The following ANTXRL variants were observed in gnomAD, a reference collection of about 807,000 sequenced individuals.
ANTXRL encodes ANTXR like.
ANTXRL carries 63 observed loss-of-function variants against 75.4 expected under a neutral mutation model. The ratio of observed to expected loss-of-function variants is 0.84; its 90% CI spans 0.68 to 1.03. The LOEUF is 1.03. Among genes scored for constraint, ANTXRL ranks in the 50% least tolerant of loss-of-function variants. ANTXRL has a pLI of 0.00. For missense variants in ANTXRL, 797 were observed against 789.4 expected, an observed-to-expected ratio of 1.01 and a Z score of -0.12; for synonymous variants, 335 against 291.3, an observed-to-expected ratio of 1.15 and a Z score of -1.53.
At chr10:46,306,175 C>CTCA (rs1296197897) in intron 10 of ANTXRL, among the ~76,000 whole-genome samples, 1 of 152,192 alleles carries the variant, frequency 6.6e-6, no homozygotes, top group Non-Finnish European at 1.5e-5. Flanking sequence ...TGGCTGGCTC[C>CTCA]TCATCTTTTT....
Position 46,311,527 on chromosome 10 carries a change from A to G in ANTXRL, c.1191A>G (p.Lys397=), listed in dbSNP as rs1838420219. ...TTTTTTAGGAGCCAGAGCAGGAAAA[A>G]CCACCATCACCACCACCACCGCCTC... is the stretch of plus-strand genomic sequence containing the variant. The part of the protein sequence containing the change: ...QKPEKEPEQE[K]PPSPPPPPPP... Residue 397 remains lysine (K), a synonymous_variant, in exon 15 of 17, where the codon AAA becomes AAG. Coordinates refer to ENST00000620264, the MANE Select transcript of ANTXRL (RefSeq NM_001278688.3). The G allele has an allele frequency of 3.3e-6, 5 of 1,532,216 alleles. No individual in the cohort carries two copies. Among genetic ancestry groups the G allele is most frequent in the Non-Finnish European group, 4.4e-6 (5 of 1,145,220 alleles). The allele number at this position is 1,532,216 out of a possible 1,614,324, so 94.9% of individuals were successfully genotyped here.
chr10:46,312,270 G>A (rs764164935), intron 15 of ANTXRL, among the ~76,000 whole-genome samples: 161 of 150,578 alleles, frequency 1.1e-3, no homozygotes, highest in Middle Eastern at 3.4e-3. Context: ...GCCTGAAAGC[G>A]CCCTCACAAG....
At chr10:46,306,535 G>GT (rs1554961914) in intron 10 of ANTXRL, among the ~76,000 whole-genome samples, 2 of 150,942 alleles carry the variant, frequency 1.3e-5, no homozygotes, top group African/African-American at 2.5e-5. Flanking sequence ...GTTTTGTCCT[G>GT]TTTTTTATTT....
chr10:46,314,123 G>C (rs1838588796), intron 16 of ANTXRL, among the ~76,000 whole-genome samples: 1 of 152,196 alleles, frequency 6.6e-6, no homozygotes, highest in Admixed American at 6.5e-5. Context: ...GGCCAGCATA[G>C]GTTCTCAGTG....
intron 9 of ANTXRL, among the ~76,000 whole-genome samples, chr10:46,300,694 A>C (rs7078906): frequency 0.24 from 36,416 of 151,740 alleles, 3,787 homozygotes; most frequent in East Asian, 0.26. Flanking sequence ...TTCAAAGGGC[A>C]CCTCATCCTG....
rs782619924 is a variant in ANTXRL at position 46,298,074 on chromosome 10, G to A, written c.796+12G>A. The A allele has an allele frequency of 3.3e-6, 5 of 1,531,754 alleles. No homozygotes were observed. The highest frequency in any genetic ancestry group is 4.4e-6 in the Non-Finnish European group (5 of 1,143,578). 94.9% of individuals were successfully genotyped at this position (1,531,754 alleles called of 1,614,324 possible). On this transcript the variant is annotated intron_variant, in intron 9 of 16. Transcript: ENST00000620264. The stretch of plus-strand genomic sequence containing the variant: ...TGAGTGTGTAGGAGGTGAGAGCTGC[G>A]GAGGCCCTGGGGTAGCCAAAGGGTG...
intron 16 of ANTXRL, among the ~76,000 whole-genome samples, chr10:46,317,683 T>G (rs1424083685): frequency 5.9e-5 from 9 of 151,816 alleles, no homozygotes; most frequent in African/African-American, 2.2e-4. Context: ...TCCCTTCGAC[T>G]CCTCAGCACC....
intron 9 of ANTXRL, among the ~76,000 whole-genome samples, chr10:46,298,292 T>G (rs1831054664): frequency 6.6e-6 from 1 of 151,854 alleles, no homozygotes; most frequent in Admixed American, 6.6e-5. Context: ...TGTGGGAGGC[T>G]TGATGTGTGT....
chr10:46,304,640 T>C (rs1258377784), intron 10 of ANTXRL, among the ~76,000 whole-genome samples: 1 of 152,196 alleles, frequency 6.6e-6, no homozygotes, highest in Non-Finnish European at 1.5e-5. Flanking sequence ...GCCCTATTTG[T>C]CATGGATTTT....
At chr10:46,286,630 G>A (rs534911940), upstream of ANTXRL, among the ~76,000 whole-genome samples, 33 of 152,214 alleles carry the variant, frequency 2.2e-4, no homozygotes, top group African/African-American at 6.7e-4. Context: ...GTAGAGAACC[G>A]GAATGTCCCT....
intron 9 of ANTXRL, among the ~76,000 whole-genome samples, chr10:46,302,264 A>AG (rs782451079): frequency 1.4e-4 from 21 of 152,258 alleles, no homozygotes; most frequent in Non-Finnish European, 2.8e-4. Context: ...GCAGCCCTGA[A>AG]GGAGGCATCC....
At chr10:46,322,554 C>T (rs1052077576) in intron 16 of ANTXRL, among the ~76,000 whole-genome samples, 2 of 151,652 alleles carry the variant, frequency 1.3e-5, no homozygotes, top group African/African-American at 4.9e-5. Flanking sequence ...ATAAACCAAA[C>T]ATTGATTATA....
rs1836795406 is a variant in ANTXRL at position 46,287,109 on chromosome 10, G to T, written c.-154G>T. The T allele has an allele frequency of 1.0e-6, 1 of 986,056 alleles. No homozygotes were observed. The highest frequency in any genetic ancestry group is 1.7e-5 in the South Asian group (1 of 58,012). The allele number at this position is 986,056 out of a possible 1,614,324, so 61.1% of individuals were successfully genotyped here. A position where few individuals can be genotyped will look rare whatever the true frequency, so the allele number is the denominator to read the frequency against. ...TCCCTGCGATCTGGGGAGGTACCTG[G>T]TGGAGGGCCATAGTGTGCACTGGTG... is the stretch of plus-strand genomic sequence containing the variant. On this transcript the variant is annotated 5_prime_UTR_variant, in exon 1 of 17. Coordinates refer to ENST00000620264, the MANE Select transcript of ANTXRL (RefSeq NM_001278688.3).
intron 16 of ANTXRL, among the ~76,000 whole-genome samples, chr10:46,318,285 A>G (rs1554965006): frequency 6.6e-6 from 1 of 152,054 alleles, no homozygotes; most frequent in African/African-American, 2.4e-5. Flanking sequence ...CAATAGCAAT[A>G]AAAAACAAAA....
Position 46,309,195 on chromosome 10 carries a change from G to T in ANTXRL, c.1127G>T (p.Arg376Leu), listed in dbSNP as rs1215730392. The T allele has an allele frequency of 6.5e-7, 1 of 1,535,718 alleles. No homozygotes were observed. Among genetic ancestry groups the T allele is most frequent in the Non-Finnish European group, 8.7e-7 (1 of 1,146,702 alleles). ...CTGTGTTGTGTCTGGCGGCTGTGCC[G>T]CAAGCAGGCAAGTGCTCCCTGCCCG... The part of the protein sequence containing the change: ...LLLCCVWRLC[R>L]KQTVKEPPPV... The change falls in exon 13 of 17, where the codon CGC becomes CTC. Residue 376 changes from arginine (R) to leucine (L), a missense_variant. Transcript: ENST00000620264.
At chr10:46,299,194 C>T (rs1358997832) in intron 9 of ANTXRL, among the ~76,000 whole-genome samples, 6 of 152,008 alleles carry the variant, frequency 3.9e-5, no homozygotes, top group Non-Finnish European at 7.4e-5. Flanking sequence ...AGGAACCAAG[C>T]GGTTATCTCA....
At chr10:46,287,534 C>A in intron 1 of ANTXRL, 24 bp downstream of exon 1, 2 of 1,524,040 alleles carry the variant, frequency 1.3e-6, no homozygotes, top group South Asian at 2.4e-5. Context: ...CTAGCTCTGG[C>A]CCTGGGTCAC....
chr10:46,295,059 G>A (rs2132674102), intron 3 of ANTXRL, among the ~76,000 whole-genome samples: 1 of 152,286 alleles, frequency 6.6e-6, no homozygotes, highest in Non-Finnish European at 1.5e-5. Flanking sequence ...CAGGCCTCAT[G>A]CCCCGGCCAG....
intron 16 of ANTXRL, among the ~76,000 whole-genome samples, chr10:46,315,799 A>C (rs1838695638): frequency 5.3e-5 from 8 of 152,182 alleles, no homozygotes; most frequent in Admixed American, 5.2e-4. Flanking sequence ...TTTGGCACAT[A>C]ATAATGCAGG....
Sources: allele counts gnomAD v4.1 joint callset (sites outside exome capture counted in the v4.1 genomes callset), GRCh38; gene constraint gnomAD v4.1.1; transcripts MANE v1.5; gene names NCBI Gene and HGNC (gene_info 2026-07-23, HGNC 2026-07-21).